The following RANBP17 variants were observed in gnomAD, a reference collection of about 807,000 sequenced individuals.
RANBP17 encodes the protein RAN binding protein 17, also known as ran-binding protein 17.
Under a neutral mutation model 141.2 loss-of-function variants are expected in RANBP17, and 158 were observed. The ratio of observed to expected loss-of-function variants is 1.12; its 90% CI spans 0.98 to 1.28. RANBP17 has a LOEUF of 1.28. RANBP17 is among the 50% of genes most tolerant of loss of function. RANBP17 has a pLI of 0.00. For missense variants in RANBP17, 1,438 were observed against 1,290.7 expected (o/e 1.11, Z -1.75); for synonymous variants, 430 against 450.0 (o/e 0.96, Z 0.56).
intron 24 of RANBP17, chr5:171,252,460 A>C: frequency 6.7e-7 from 1 of 1,484,536 alleles, no homozygotes; most frequent in Admixed American, 1.7e-5. Context: ...TCACTGCTTA[A>C]GGGCTTTCAG....
At chr5:171,219,595 A>G (rs1327109194) in intron 21 of RANBP17, among the ~76,000 whole-genome samples, 1 of 151,532 alleles carries the variant, frequency 6.6e-6, no homozygotes, top group Non-Finnish European at 1.5e-5. Context: ...TTTCCTTTTC[A>G]TTCTTTTTTC....
chr5:171,075,484 A>G (rs1026892732), intron 14 of RANBP17, among the ~76,000 whole-genome samples: 1 of 152,226 alleles, frequency 6.6e-6, no homozygotes, highest in Non-Finnish European at 1.5e-5. Context: ...TGAAATGTCC[A>G]GAGTAGGCAA....
chr5:171,059,469 G>C lies in RANBP17; in HGVS notation c.1710+91092G>C, dbSNP rs969327462. Among the ~76,000 whole-genome samples the C allele has an allele frequency of 2.4e-4, 36 of 152,160 alleles. No homozygotes were observed. In the South Asian group the frequency reaches 7.5e-3, roughly 32 times the overall value. The stretch of plus-strand genomic sequence containing the variant: ...TCTCAGGTTTGTCAAAGATCAGATA[G>C]TTGTAGATATGCAGCGTTATTTCTG... On this transcript the variant is annotated intron_variant, in intron 14 of 27. Transcript: ENST00000523189.
At chr5:170,874,813 T>C (rs1768048342) in intron 1 of RANBP17, among the ~76,000 whole-genome samples, 1 of 152,220 alleles carries the variant, frequency 6.6e-6, no homozygotes, top group Non-Finnish European at 1.5e-5. Flanking sequence ...TATTGGGGCA[T>C]TTAGCCCATT....
intron 25 of RANBP17, chr5:171,271,045 TCC>T (rs1767068276): frequency 5.9e-6 from 1 of 169,688 alleles, no homozygotes; most frequent in Non-Finnish European, 1.2e-5. Flanking sequence ...CTCCCTTTTC[TCC>T]CTTTTCTCCC....
At chr5:171,233,313 A>G (rs939364407) in intron 22 of RANBP17, among the ~76,000 whole-genome samples, 3 of 152,234 alleles carry the variant, frequency 2.0e-5, no homozygotes, top group Non-Finnish European at 4.4e-5. Flanking sequence ...TAGAATGCAG[A>G]ATGGCGCAGC....
chr5:170,887,258 T>G (rs1422384939), intron 3 of RANBP17, among the ~76,000 whole-genome samples: 1 of 152,226 alleles, frequency 6.6e-6, no homozygotes, highest in Admixed American at 6.5e-5. Context: ...CTCTTGACAT[T>G]GTCTTTTGCA....
In RANBP17 at chr5:171,245,536, A is replaced by C. The variant is rs527979927; in HGVS notation, c.2776+2716A>C. ...TCCATGTTGGTCAGGCTGGTCTCGA[A>C]CTCCCGACCTTGGATGATCCTCTTG... is the stretch of plus-strand genomic sequence containing the variant. On this transcript the variant is annotated intron_variant, in intron 24 of 27. Coordinates refer to ENST00000523189, the MANE Select transcript of RANBP17 (RefSeq NM_022897.5). Among the ~76,000 whole-genome samples the C allele has an allele frequency of 7.3e-4, 111 of 151,506 alleles. 1 individual carries two copies. The highest frequency in any genetic ancestry group is 2.6e-3 in the African/African-American group (106 of 41,298).
intron 5 of RANBP17, among the ~76,000 whole-genome samples, chr5:170,898,249 T>C (rs1016072719): frequency 6.6e-6 from 1 of 152,222 alleles, no homozygotes; most frequent in African/African-American, 2.4e-5. Context: ...TGGTATCTCA[T>C]TGAGTTTTGA....
intron 14 of RANBP17, among the ~76,000 whole-genome samples, chr5:171,056,578 A>C (rs551609301): frequency 6.6e-6 from 1 of 152,300 alleles, no homozygotes; most frequent in South Asian, 2.1e-4. Flanking sequence ...ATACATCCCC[A>C]GGAAAGCCAA....
intron 14 of RANBP17, among the ~76,000 whole-genome samples, chr5:171,058,231 T>C (rs1454447783): frequency 1.3e-5 from 2 of 151,868 alleles, no homozygotes; most frequent in East Asian, 3.9e-4. Flanking sequence ...TACATATGTA[T>C]ACATATGCCA....
chr5:171,165,147 TTAATC>T (rs984401757), intron 14 of RANBP17, among the ~76,000 whole-genome samples: 1 of 152,144 alleles, frequency 6.6e-6, no homozygotes, highest in Non-Finnish European at 1.5e-5. Context: ...GGATCATCAT[TTAATC>T]TAATCAAAAG....
intron 24 of RANBP17, among the ~76,000 whole-genome samples, chr5:171,255,528 C>A (rs1765826321): frequency 6.6e-6 from 1 of 151,510 alleles, no homozygotes; most frequent in Admixed American, 6.6e-5. Context: ...ACCTTGTTCA[C>A]ATCTACACCA....
rs1769018580 is a variant in RANBP17, at chr5:171,299,668, C to G, written c.*810C>G. The G allele has an allele frequency of 4.4e-6, 1 of 228,890 alleles. No homozygotes were observed. The highest frequency in any genetic ancestry group is 5.7e-5 in the Admixed American group (1 of 17,634). 14.2% of individuals were successfully genotyped at this position (228,890 alleles called of 1,614,324 possible). A position where few individuals can be genotyped will look rare whatever the true frequency, so the allele number is the denominator to read the frequency against. On this transcript the variant is annotated 3_prime_UTR_variant, in exon 28 of 28. Transcript: ENST00000523189. The stretch of plus-strand genomic sequence containing the variant: ...TTAGAATATAATATTTGAAGCAGCT[C>G]TGCCTTCTTAGGGCTACCCAAAACA...
rs149591940 is a variant in RANBP17 at position 170,864,344 on chromosome 5, A to C, written c.18+2293A>C. 9.8e-5 allele frequency among the ~76,000 whole-genome samples: 15 copies of C among 152,308 alleles called. No homozygotes were observed. In the East Asian group the frequency reaches 2.9e-3, roughly 29 times the overall value. On this transcript the variant is annotated intron_variant, in intron 1 of 27. Coordinates refer to ENST00000523189, the MANE Select transcript of RANBP17 (RefSeq NM_022897.5). ...GTCAACATCTTTTTCACATCATGACATACATAAAAAATGTTAATTGTGTGT... is the reference window on the plus strand; with the variant it reads ...GTCAACATCTTTTTCACATCATGACCTACATAAAAAATGTTAATTGTGTGT...
intron 14 of RANBP17, among the ~76,000 whole-genome samples, chr5:171,071,653 C>CAAAAAA (rs34555837): frequency 2.4e-4 from 17 of 69,628 alleles, no homozygotes; most frequent in South Asian, 2.3e-3. Flanking sequence ...CAGCTTTATG[C>CAAAAAA]AAAAAAAAAA....
chr5:170,900,366 T>C (rs1437230809), intron 5 of RANBP17, among the ~76,000 whole-genome samples: 1 of 152,286 alleles, frequency 6.6e-6, no homozygotes, highest in Admixed American at 6.5e-5. Flanking sequence ...ATCTCCCCTT[T>C]ATCGTTTTTT....
intron 5 of RANBP17, among the ~76,000 whole-genome samples, chr5:170,896,752 C>A (rs1485281215): frequency 6.6e-6 from 1 of 152,210 alleles, no homozygotes; most frequent in Non-Finnish European, 1.5e-5. Context: ...ATTGCTTGAA[C>A]CCGGGAGGCA....
At chr5:171,213,547 TTG>T in intron 20 of RANBP17, 82 bp from the exon 21 acceptor site, 7 of 892,374 alleles carry the variant, frequency 7.8e-6, no homozygotes, top group Admixed American at 1.9e-5. Flanking sequence ...GGATTCCCTT[TTG>T]TGTGTGTGTA....
Sources: allele counts gnomAD v4.1 joint callset (sites outside exome capture counted in the v4.1 genomes callset), GRCh38; gene constraint gnomAD v4.1.1; transcripts MANE v1.5; gene names NCBI Gene and HGNC (gene_info 2026-07-23, HGNC 2026-07-21).